Variants in KCNQ5 observed in about 807,000 individuals in gnomAD.
The protein encoded by KCNQ5 is potassium voltage-gated channel subfamily Q member 5.
A neutral mutation model predicts 98.2 loss-of-function variants in KCNQ5; 30 were observed. That is an observed-to-expected ratio of 0.31 (90% CI 0.23 to 0.41). KCNQ5 has a LOEUF of 0.41. Ranked by LOEUF, KCNQ5 falls within the 10% of genes least tolerant of loss-of-function variation. The probability of loss-of-function intolerance (pLI) is 1.00; values close to 1 mark genes in which losing one functional copy is unlikely to be tolerated. For missense variants in KCNQ5, 835 were observed against 1,182.5 expected (o/e 0.71, Z 4.31); for synonymous variants, 458 against 449.4 (o/e 1.02, Z -0.24).
In KCNQ5 at chr6:73,106,193, T is replaced by C. The variant is rs993456500; in HGVS notation, c.1029+826T>C. 7.2e-5 allele frequency among the ~76,000 whole-genome samples: 11 copies of C among 152,198 alleles called. No homozygotes were observed. In the East Asian group the frequency reaches 1.7e-3, roughly 24 times the overall value. On this transcript the variant is annotated intron_variant, in intron 6 of 13. Coordinates refer to ENST00000370398, the MANE Select transcript of KCNQ5 (RefSeq NM_019842.4). ...AGCACCTCTCCAAAGCTCTTTTAGG[T>C]GGTAGGGCTTCTCCTCTGCCTATTA...
intron 1 of KCNQ5, among the ~76,000 whole-genome samples, chr6:72,687,994 A>G (rs1475079426): frequency 3.3e-5 from 5 of 152,028 alleles, no homozygotes; most frequent in Admixed American, 2.6e-4. Context: ...GCGCATCACC[A>G]TGCCCAGCTA....
At chr6:72,907,518 A>T (rs1282364764) in intron 1 of KCNQ5, among the ~76,000 whole-genome samples, 2 of 152,148 alleles carry the variant, frequency 1.3e-5, no homozygotes, top group Non-Finnish European at 2.9e-5. Flanking sequence ...ACAATTTATT[A>T]ATCCTTCCTT....
chr6:72,651,769 A>G (rs1373979855), intron 1 of KCNQ5, among the ~76,000 whole-genome samples: 2 of 152,008 alleles, frequency 1.3e-5, no homozygotes, highest in African/African-American at 2.4e-5. Flanking sequence ...TAAACTACTA[A>G]TGGAGGAAAA....
chr6:73,082,385 A>G (rs1388385755), intron 5 of KCNQ5, among the ~76,000 whole-genome samples: 1 of 152,228 alleles, frequency 6.6e-6, no homozygotes, highest in Non-Finnish European at 1.5e-5. Context: ...TCAAAACGTC[A>G]TGACCTTACC....
At chr6:72,782,471 C>T (rs1561979965) in intron 1 of KCNQ5, among the ~76,000 whole-genome samples, 1 of 152,138 alleles carries the variant, frequency 6.6e-6, no homozygotes, top group East Asian at 1.9e-4. Context: ...ACACAAATGC[C>T]GTATCACAAA....
intron 7 of KCNQ5, among the ~76,000 whole-genome samples, chr6:73,118,321 T>C (rs1775593295): frequency 6.6e-6 from 1 of 152,242 alleles, no homozygotes; most frequent in Non-Finnish European, 1.5e-5. Flanking sequence ...ATGAAGTTCA[T>C]CCATGTTGTT....
chr6:72,978,042 T>C (rs1232786515), intron 1 of KCNQ5, among the ~76,000 whole-genome samples: 1 of 152,234 alleles, frequency 6.6e-6, no homozygotes, highest in African/African-American at 2.4e-5. Flanking sequence ...TCATGGAGGA[T>C]ACATTTTAGT....
At chr6:73,099,958 T>TA (rs1165512227) in intron 5 of KCNQ5, among the ~76,000 whole-genome samples, 1 of 152,194 alleles carries the variant, frequency 6.6e-6, no homozygotes, top group African/African-American at 2.4e-5. Context: ...AAACAAGTCT[T>TA]AAGACATTCA....
chr6:72,898,819 C>T (rs1426884201), intron 1 of KCNQ5, among the ~76,000 whole-genome samples: 3 of 152,212 alleles, frequency 2.0e-5, no homozygotes, highest in Non-Finnish European at 4.4e-5. Flanking sequence ...TATTTCTCCA[C>T]AGCTTCTCCA....
At chr6:72,806,587 C>A (rs1456323404) in intron 1 of KCNQ5, among the ~76,000 whole-genome samples, 1 of 152,186 alleles carries the variant, frequency 6.6e-6, no homozygotes, top group Non-Finnish European at 1.5e-5. Context: ...ATAATACTTA[C>A]ACAACCTCAA....
intron 1 of KCNQ5, among the ~76,000 whole-genome samples, chr6:72,998,911 T>C (rs948558317): frequency 7.9e-5 from 12 of 152,178 alleles, no homozygotes; most frequent in African/African-American, 2.7e-4. Context: ...CTCTGTTGAT[T>C]TGACTGTTGT....
chr6:72,972,189 A>G (rs1336504961), intron 1 of KCNQ5, among the ~76,000 whole-genome samples: 1 of 152,154 alleles, frequency 6.6e-6, no homozygotes, highest in African/African-American at 2.4e-5. Context: ...TCTGAAGGCA[A>G]TCTGCCATGC....
intron 1 of KCNQ5, among the ~76,000 whole-genome samples, chr6:72,719,536 C>A (rs989716329): frequency 1.3e-5 from 2 of 152,132 alleles, no homozygotes; most frequent in South Asian, 4.1e-4. Context: ...ACTAAATGGC[C>A]AAGCCAAGCC....
intron 1 of KCNQ5, among the ~76,000 whole-genome samples, chr6:72,974,288 T>C (rs1341948882): frequency 6.6e-6 from 1 of 152,022 alleles, no homozygotes; most frequent in Non-Finnish European, 1.5e-5. Flanking sequence ...AAATCTAAAA[T>C]ATTTACTATC....
intron 10 of KCNQ5, among the ~76,000 whole-genome samples, chr6:73,150,442 T>C (rs551905921): frequency 6.8e-6 from 1 of 146,234 alleles, no homozygotes; most frequent in African/African-American, 2.5e-5. Context: ...GTAATATTAA[T>C]ATATATAATA....
At chr6:72,705,636 A>G (rs1769039659) in intron 1 of KCNQ5, among the ~76,000 whole-genome samples, 1 of 151,850 alleles carries the variant, frequency 6.6e-6, no homozygotes, top group Non-Finnish European at 1.5e-5. Context: ...AGCTAATACA[A>G]TAAATCAAAA....
intron 1 of KCNQ5, among the ~76,000 whole-genome samples, chr6:72,655,100 TTTTC>T (rs1766114907): frequency 7.3e-6 from 1 of 137,350 alleles, no homozygotes; most frequent in Non-Finnish European, 1.6e-5. Context: ...TTCTTTCTGT[TTTTC>T]TTTCTTTCTC....
At chr6:73,164,344 T>G (rs998949712) in intron 10 of KCNQ5, among the ~76,000 whole-genome samples, 32 of 152,194 alleles carry the variant, frequency 2.1e-4, no homozygotes, top group African/African-American at 7.7e-4. Flanking sequence ...AAAGATATAT[T>G]TCCTATTCAT....
intron 1 of KCNQ5, among the ~76,000 whole-genome samples, chr6:72,833,265 A>G (rs1269114571): frequency 6.6e-6 from 1 of 152,146 alleles, no homozygotes; most frequent in African/African-American, 2.4e-5. Context: ...TCATCCATAA[A>G]GTGAGGATGA....
Sources: gnomAD v4.1 joint callset for allele counts (sites outside exome capture counted in the v4.1 genomes callset) on GRCh38, gnomAD v4.1.1 for gene constraint, MANE v1.5 for transcripts, NCBI Gene and HGNC (gene_info 2026-07-23, HGNC 2026-07-21) for gene names.